CUX2: variants seen among roughly 807,000 people sequenced by gnomAD.
CUX2 encodes the protein cut like homeobox 2.
A neutral mutation model predicts 144.8 loss-of-function variants in CUX2; 40 were observed. That is an observed-to-expected ratio of 0.28 (90% CI 0.21 to 0.36). The LOEUF (loss-of-function observed/expected upper bound fraction) is 0.36, where lower values mean the gene tolerates loss of function less well. CUX2 is among the 10% of genes least tolerant of loss of function. The pLI, the probability that CUX2 is intolerant of heterozygous loss-of-function variation, is 1.00. For missense variants in CUX2, 1,615 were observed against 1,994.0 expected (o/e 0.81, Z 3.62); for synonymous variants, 827 against 875.6 (o/e 0.94, Z 0.98).
At chr12:111,038,856 T>G (rs1869595011) in intron 1 of CUX2, among the ~76,000 whole-genome samples, 1 of 152,092 alleles carries the variant, frequency 6.6e-6, no homozygotes, top group Admixed American at 6.5e-5. Flanking sequence ...AGCAAATAAG[T>G]GTCTCGGTGG....
At chr12:111,165,998 T>G (rs921593897) in intron 1 of CUX2, among the ~76,000 whole-genome samples, 1 of 152,190 alleles carries the variant, frequency 6.6e-6, no homozygotes, top group Non-Finnish European at 1.5e-5. Flanking sequence ...GCGCTTTCAG[T>G]GTGTCCACTT....
At chr12:111,341,003 A>C (rs1888551712) in intron 20 of CUX2, among the ~76,000 whole-genome samples, 1 of 152,154 alleles carries the variant, frequency 6.6e-6, no homozygotes, top group African/African-American at 2.4e-5. Context: ...TGTTCGGTGT[A>C]CTCTCGTGGC....
intron 1 of CUX2, among the ~76,000 whole-genome samples, chr12:111,120,807 C>CGT (rs1874609333): frequency 6.6e-6 from 1 of 151,994 alleles, no homozygotes; most frequent in Non-Finnish European, 1.5e-5. Flanking sequence ...ATGCGGGAAA[C>CGT]GTGTTTGTGC....
intron 19 of CUX2, among the ~76,000 whole-genome samples, chr12:111,337,176 A>C (rs1288119023): frequency 2.6e-5 from 4 of 151,892 alleles, no homozygotes; most frequent in Admixed American, 1.3e-4. Context: ...CTTTGTCCCC[A>C]AAAAAATGAA....
In CUX2 at chr12:111,195,205, T is replaced by A. The variant is rs556399699; in HGVS notation, c.64-18995T>A. Reference sequence around the variant, plus strand: ...CATGTGAAACCACTTTTAAAATCCCTCCCTCCCTTTCCTGCCCAACGCACC... The same window carrying A: ...CATGTGAAACCACTTTTAAAATCCCACCCTCCCTTTCCTGCCCAACGCACC... On this transcript the variant is annotated intron_variant, in intron 1 of 21. Transcript: ENST00000261726. 1.1e-4 allele frequency among the ~76,000 whole-genome samples: 17 copies of A among 152,172 alleles called. No individual in the cohort carries two copies. In the East Asian group the frequency reaches 3.3e-3, roughly 29 times the overall value.
chr12:111,338,957 G>A (rs1888467482), intron 20 of CUX2, among the ~76,000 whole-genome samples: 1 of 152,108 alleles, frequency 6.6e-6, no homozygotes, highest in Admixed American at 6.6e-5. Flanking sequence ...ACTCTGCCAG[G>A]TGCAGTGGCT....
In CUX2 at chr12:111,304,471, G is replaced by A. The variant is rs149442439; in HGVS notation, c.858+157G>A. Among the ~76,000 whole-genome samples, 80 of 152,076 alleles carry A rather than the reference G, an allele frequency of 5.3e-4. No individual in the cohort carries two copies. In the East Asian group the frequency reaches 9.3e-3, roughly 18 times the overall value. Reference sequence around the variant, plus strand: ...AATGTGTGTGGGTCTCTGTGCATACGGTGAGCATAATCACTATGACCTGCT... The same window carrying A: ...AATGTGTGTGGGTCTCTGTGCATACAGTGAGCATAATCACTATGACCTGCT... On this transcript the variant is annotated intron_variant, in intron 10 of 21. Transcript: ENST00000261726. This position sits in a 1 kb window ranked among gnomAD's most constrained non-coding sequence, Gnocchi z 4.7.
At chr12:111,210,899 A>G (rs968255464) in intron 1 of CUX2, among the ~76,000 whole-genome samples, 2 of 152,206 alleles carry the variant, frequency 1.3e-5, no homozygotes, top group African/African-American at 2.4e-5. Flanking sequence ...GGAGACGCAG[A>G]GCAGAAGCCC....
rs1211274893 is a variant in CUX2, at chr12:111,186,044, A to C, written c.64-28156A>C. Among the ~76,000 whole-genome samples, 15 of 134,208 alleles carry C rather than the reference A, an allele frequency of 1.1e-4. No homozygotes were observed. Among genetic ancestry groups the C allele is most frequent in the South Asian group, 2.4e-4 (1 of 4,160 alleles). The allele number at this position is 134,208 out of a possible 152,430, so 88.0% of individuals were successfully genotyped here. The stretch of plus-strand genomic sequence containing the variant: ...TTCTGGTCCTCTCTCTTTCACTCTC[A>C]CTCTCTCCCTCCCTCCCTTCCTCCT... On this transcript the variant is annotated intron_variant, in intron 1 of 21. Coordinates refer to ENST00000261726, the MANE Select transcript of CUX2 (RefSeq NM_015267.4). The surrounding 1 kb of genome is among the most constrained non-coding windows in gnomAD (Gnocchi z 4.4).
intron 18 of CUX2, among the ~76,000 whole-genome samples, chr12:111,328,473 T>G (rs1193704422): frequency 6.6e-6 from 1 of 152,050 alleles, no homozygotes; most frequent in East Asian, 1.9e-4. Context: ...CATCCGAGGT[T>G]TCTCAGAATT....
chr12:111,297,642 A>C (rs1886080436), intron 8 of CUX2, among the ~76,000 whole-genome samples: 1 of 152,232 alleles, frequency 6.6e-6, no homozygotes, highest in East Asian at 1.9e-4. Flanking sequence ...TTAGGCTTTA[A>C]GAAATCATTC....
At chr12:111,053,336 A>G (rs1337757324) in intron 1 of CUX2, among the ~76,000 whole-genome samples, 4 of 152,184 alleles carry the variant, frequency 2.6e-5, no homozygotes, top group Non-Finnish European at 4.4e-5. Context: ...TCTTCCTTCA[A>G]GGGGGCCCTT....
intron 1 of CUX2, among the ~76,000 whole-genome samples, chr12:111,189,981 C>G (rs1277754830): frequency 6.6e-6 from 1 of 152,178 alleles, no homozygotes; most frequent in African/African-American, 2.4e-5. Flanking sequence ...ACATCCTTGT[C>G]AACACTTGGT....
At chr12:111,337,737 T>C (rs1888414776) in intron 19 of CUX2, among the ~76,000 whole-genome samples, 1 of 152,166 alleles carries the variant, frequency 6.6e-6, no homozygotes, top group Non-Finnish European at 1.5e-5. Flanking sequence ...ACCTCTTAAA[T>C]TAAAAAAGCA....
At chr12:111,213,808 A>G (rs1156330051) in intron 1 of CUX2, among the ~76,000 whole-genome samples, 1 of 151,872 alleles carries the variant, frequency 6.6e-6, no homozygotes, top group East Asian at 1.9e-4. Context: ...AATATGCCGC[A>G]CTTTACTATT....
chr12:111,272,404 C>T (rs1034655406), intron 4 of CUX2, among the ~76,000 whole-genome samples: 6 of 151,978 alleles, frequency 3.9e-5, no homozygotes, highest in African/African-American at 1.5e-4. Flanking sequence ...GTATTTCACC[C>T]GTTAAAAAAG....
chr12:111,320,511 CG>C lies in CUX2; in HGVS notation c.2503del (p.Glu835ArgfsTer42). On this transcript the variant is annotated frameshift_variant, in exon 17 of 22. Coordinates refer to ENST00000261726, the MANE Select transcript of CUX2 (RefSeq NM_015267.4). LOFTEE classifies it high-confidence loss of function. The surrounding 1 kb of genome is among the most constrained non-coding windows in gnomAD (Gnocchi z 8.1). The part of the protein sequence containing the change: ...PRGDEAPVPP[E>X]DEAAAGAEDE... The stretch of plus-strand genomic sequence containing the variant: ...GCGGGGACGAGGCCCCTGTGCCCCC[CG>C]AGGACGAGGCGGCGGCAGGGGCGGA... 1 of 1,576,468 alleles carries C rather than the reference CG, an allele frequency of 6.3e-7. No individual in the cohort carries two copies. The highest frequency in any genetic ancestry group is 8.6e-7 in the Non-Finnish European group (1 of 1,167,574).
At position 111,310,006 on chromosome 12, in the gene CUX2, G is replaced by T. The variant is rs1383211888; in HGVS notation, c.1259-35G>T. 2.5e-6 allele frequency: 3 copies of T among 1,195,522 alleles called. No individual in the cohort carries two copies. The highest frequency in any genetic ancestry group is 2.1e-6 in the Non-Finnish European group (2 of 954,326). 74.1% of individuals were successfully genotyped at this position (1,195,522 alleles called of 1,614,324 possible). A position where few individuals can be genotyped will look rare whatever the true frequency, so the allele number is the denominator to read the frequency against. On this transcript the variant is annotated intron_variant, in intron 14 of 21. Transcript: ENST00000261726. This position sits in a 1 kb window ranked among gnomAD's most constrained non-coding sequence, Gnocchi z 7.9. ...CTCTCCCCTCATCATCGTCTTCCCC[G>T]TCTGTCTGTCTGTCTGTCTGTCTGG...
intron 1 of CUX2, among the ~76,000 whole-genome samples, chr12:111,124,849 A>T (rs187538765): frequency 6.6e-6 from 1 of 152,228 alleles, no homozygotes; most frequent in Non-Finnish European, 1.5e-5. Flanking sequence ...GATGTCCATG[A>T]GTACCTGATG....
Sources: allele counts gnomAD v4.1 joint callset (sites outside exome capture counted in the v4.1 genomes callset), GRCh38; gene constraint gnomAD v4.1.1; non-coding constraint Gnocchi (gnomAD v3.1); transcripts MANE v1.5; gene names NCBI Gene and HGNC (gene_info 2026-07-23, HGNC 2026-07-21).